The following BBS9 variants were observed in gnomAD, a reference collection of about 807,000 sequenced individuals.
BBS9 encodes Bardet-Biedl syndrome 9.
BBS9 carries 89 observed loss-of-function variants against 117.7 expected under a neutral mutation model. The observed-to-expected ratio is 0.76, with a 90% CI of 0.64 to 0.90. The LOEUF is 0.90. BBS9 is among the 40% of genes least tolerant of loss of function. The pLI is 0.00. For missense variants in BBS9, 982 were observed against 1,042.2 expected (o/e 0.94, Z 0.80); for synonymous variants, 379 against 370.9 (o/e 1.02, Z -0.25).
rs371484115 is a variant in BBS9 at position 33,524,976 on chromosome 7, A to G, written c.2299-8978A>G. 3.0e-4 allele frequency among the ~76,000 whole-genome samples: 46 copies of G among 152,320 alleles called. No homozygotes were observed. In the South Asian group the frequency reaches 3.9e-3, roughly 13 times the overall value. ...TTTGTTCTCATTGGTTTCAAAGAAC[A>G]TCTTTATTTCTGCCTTCATTTTGTT... On this transcript the variant is annotated intron_variant, in intron 20 of 22. Transcript: ENST00000242067.
intron 21 of BBS9, among the ~76,000 whole-genome samples, chr7:33,580,372 C>T (rs1859680082): frequency 6.6e-6 from 1 of 151,590 alleles, no homozygotes; most frequent in African/African-American, 2.4e-5. Context: ...GAGAAATTGA[C>T]TTTTTAACAT....
intron 5 of BBS9, among the ~76,000 whole-genome samples, chr7:33,200,233 T>A (rs1785619410): frequency 6.6e-6 from 1 of 152,132 alleles, no homozygotes; most frequent in African/African-American, 2.4e-5. Context: ...TATTTCTTGT[T>A]CTACCAACTT....
intron 21 of BBS9, among the ~76,000 whole-genome samples, chr7:33,570,870 T>C (rs1336115609): frequency 6.6e-6 from 1 of 152,184 alleles, no homozygotes; most frequent in Non-Finnish European, 1.5e-5. Flanking sequence ...TTCGTCAGTA[T>C]GCTTCAGGAG....
chr7:33,349,122 C>T lies in BBS9; in HGVS notation c.1384C>T (p.Gln462Ter). Reference sequence around the variant, plus strand: ...AAAAGCCAAATTATCAGTCTACGTGCAACCACCATTAGAATTGACTTGTGA... The same window carrying T: ...AAAAGCCAAATTATCAGTCTACGTGTAACCACCATTAGAATTGACTTGTGA... ...LQKAKLSVYV[Q>*]PPLELTCDQF... Residue 462 changes from glutamine (Q) to a stop codon, truncating the protein, a stop_gained, in exon 13 of 23, where the codon CAA (glutamine) becomes TAA (stop). Transcript: ENST00000242067. LOFTEE classifies it high-confidence loss of function. 6.2e-7 allele frequency: 1 copy of T among 1,613,446 alleles called. No homozygotes were observed.
At chr7:33,395,457 A>G (rs1168002688) in intron 19 of BBS9, among the ~76,000 whole-genome samples, 1 of 152,170 alleles carries the variant, frequency 6.6e-6, no homozygotes, top group Non-Finnish European at 1.5e-5. Flanking sequence ...TGATGCTATT[A>G]CATGTGCTGA....
chr7:33,317,741 G>C (rs1214437440), intron 9 of BBS9, among the ~76,000 whole-genome samples: 1 of 152,164 alleles, frequency 6.6e-6, no homozygotes, highest in East Asian at 1.9e-4. Context: ...ATCTGATCAT[G>C]TCACTCCTGT....
intron 19 of BBS9, among the ~76,000 whole-genome samples, chr7:33,422,023 A>G (rs909097752): frequency 1.3e-5 from 2 of 152,192 alleles, no homozygotes; most frequent in African/African-American, 4.8e-5. Flanking sequence ...ATAGCCTTCC[A>G]GATTTATGAA....
rs112126206 is a variant in BBS9 at position 33,212,338 on chromosome 7, A to G, written c.442+34747A>G. The stretch of plus-strand genomic sequence containing the variant: ...TTCTTTCTTCTGTTTGATCAATTCT[A>G]CTATTAAGAGACTCTGATGCACTCT... On this transcript the variant is annotated intron_variant, in intron 5 of 22. Coordinates refer to ENST00000242067, the MANE Select transcript of BBS9 (RefSeq NM_198428.3). Among the ~76,000 whole-genome samples, 134 of 152,206 alleles carry G rather than the reference A, an allele frequency of 8.8e-4. No homozygotes were observed. The Middle Eastern group carries it at 0.014, about 15-fold the overall frequency.
intron 21 of BBS9, among the ~76,000 whole-genome samples, chr7:33,616,208 A>G (rs1865121818): frequency 6.6e-6 from 1 of 151,138 alleles, no homozygotes; most frequent in African/African-American, 2.4e-5. Context: ...ATAATAAACA[A>G]TGTATTAAAA....
chr7:33,499,818 G>A (rs1422892437), intron 19 of BBS9, among the ~76,000 whole-genome samples: 1 of 152,114 alleles, frequency 6.6e-6, no homozygotes, highest in Non-Finnish European at 1.5e-5. Context: ...CTGTAAAGAG[G>A]TTAGCACAGC....
chr7:33,582,218 T>C lies in BBS9; in HGVS notation c.2522-22647T>C, dbSNP rs1860074173. 2.0e-5 allele frequency among the ~76,000 whole-genome samples: 3 copies of C among 151,990 alleles called. No individual in the cohort carries two copies. The South Asian group carries it at 6.2e-4, about 32-fold the overall frequency. The stretch of plus-strand genomic sequence containing the variant: ...ACATCTGAGTGGTTGTTGGAAAATA[T>C]GGAGGAGTTAGGCCAACTAGGAGGC... On this transcript the variant is annotated intron_variant, in intron 21 of 22. Transcript: ENST00000242067.
chr7:33,365,823 G>A (rs1821590099), intron 16 of BBS9, among the ~76,000 whole-genome samples: 1 of 152,242 alleles, frequency 6.6e-6, no homozygotes, highest in Non-Finnish European at 1.5e-5. Flanking sequence ...ATGGGAGCAT[G>A]GATGTGTGCA....
At chr7:33,299,112 T>G (rs1805853652) in intron 9 of BBS9, among the ~76,000 whole-genome samples, 1 of 152,212 alleles carries the variant, frequency 6.6e-6, no homozygotes, top group South Asian at 2.1e-4. Flanking sequence ...CCAAAGGACA[T>G]GCAACCAATC....
chr7:33,531,395 G>A (rs1850558314), intron 20 of BBS9, among the ~76,000 whole-genome samples: 1 of 152,196 alleles, frequency 6.6e-6, no homozygotes, highest in South Asian at 2.1e-4. Context: ...GGCAACTGGA[G>A]GCCAGGCTGG....
chr7:33,423,333 A>G (rs1563156580), intron 19 of BBS9, among the ~76,000 whole-genome samples: 1 of 152,038 alleles, frequency 6.6e-6, no homozygotes, highest in Non-Finnish European at 1.5e-5. Context: ...TGCTGTAACC[A>G]CTGGTTCTTC....
intron 5 of BBS9, among the ~76,000 whole-genome samples, chr7:33,249,696 G>GT (rs1283514655): frequency 1.3e-5 from 2 of 151,926 alleles, no homozygotes; most frequent in African/African-American, 4.8e-5. Flanking sequence ...AAATCTCCTA[G>GT]TTTTTTTCCG....
In BBS9 at chr7:33,349,075, T is replaced by G; in HGVS notation, c.1337T>G (p.Leu446Arg). 6.2e-7 allele frequency: 1 copy of G among 1,604,570 alleles called. No individual in the cohort carries two copies. Among genetic ancestry groups the G allele is most frequent in the Non-Finnish European group, 8.5e-7 (1 of 1,171,488 alleles). ...LVPSVTVKVT[L>R]QNRVILQKAK... The stretch of plus-strand genomic sequence containing the variant: ...CAATTTCTGTTTCCTTAGGTCACAC[T>G]GCAGAACAGAGTGATATTGCAAAAA... Residue 446 changes from leucine (L) to arginine (R), a missense_variant, in exon 13 of 23, where the codon CTG becomes CGG. By Grantham distance (102) the Leu-to-Arg change is moderately radical. Transcript: ENST00000242067.
chr7:33,354,961 G>A (rs1819365091), intron 15 of BBS9, among the ~76,000 whole-genome samples: 1 of 152,002 alleles, frequency 6.6e-6, no homozygotes, highest in Non-Finnish European at 1.5e-5. Flanking sequence ...AAATGACTAG[G>A]CCAATATTGG....
intron 13 of BBS9, among the ~76,000 whole-genome samples, chr7:33,350,661 T>C (rs1034549236): frequency 2.6e-5 from 4 of 152,226 alleles, no homozygotes; most frequent in African/African-American, 9.6e-5. Context: ...AGAACAGCAG[T>C]GGTGTAGAAT....
Sources: allele counts gnomAD v4.1 joint callset (sites outside exome capture counted in the v4.1 genomes callset), GRCh38; gene constraint gnomAD v4.1.1; transcripts MANE v1.5; gene names NCBI Gene and HGNC (gene_info 2026-07-23, HGNC 2026-07-21).